SMC1A: variants seen among roughly 807,000 people sequenced by gnomAD.
The protein encoded by SMC1A is structural maintenance of chromosomes protein 1A.
SMC1A carries 4 observed loss-of-function variants against 94.5 expected under a neutral mutation model. That is an observed-to-expected ratio of 0.04 (90% CI 0.02 to 0.10). The LOEUF (loss-of-function observed/expected upper bound fraction) is 0.10, where lower values mean the gene tolerates loss of function less well. Among genes scored for constraint, SMC1A ranks in the 10% least tolerant of loss-of-function variants. SMC1A has a pLI of 1.00. For missense variants in SMC1A, 304 were observed against 989.0 expected, an observed-to-expected ratio of 0.31 and a Z score of 9.29; for synonymous variants, 345 against 347.7, an observed-to-expected ratio of 0.99 and a Z score of 0.09.
chrX:53,387,805 C>A (rs1556886629), intron 19 of SMC1A, among the ~76,000 whole-genome samples: 2 of 110,898 alleles, frequency 1.8e-5, no homozygotes, highest in Admixed American at 1.9e-4. Flanking sequence ...AACCTGAGCA[C>A]CAAGAAGGAT....
chrX:53,391,971 G>GT (rs1174684559), intron 19 of SMC1A, among the ~76,000 whole-genome samples: 10 of 110,240 alleles, frequency 9.1e-5, no homozygotes, highest in Non-Finnish European at 1.1e-4. Flanking sequence ...CGTGACAAGA[G>GT]TATCTCCAGC....
At chrX:53,417,284 C>T (rs1324348608) in intron 1 of SMC1A, among the ~76,000 whole-genome samples, 1 of 110,336 alleles carries the variant, frequency 9.1e-6, no homozygotes, top group Non-Finnish European at 1.9e-5. Context: ...GGCACGGTGG[C>T]TCACGCCTGT....
In SMC1A at chrX:53,382,647, G is replaced by C; in HGVS notation, c.3144C>G (p.Ala1048=). 3 of 1,211,311 alleles carry C rather than the reference G, an allele frequency of 2.5e-6. No homozygotes were observed. Among genetic ancestry groups the C allele is most frequent in the Non-Finnish European group, 3.4e-6 (3 of 895,426 alleles). ...FQETSDEFEA[A]RKRAKKAKQA... ...GCTTGGCCTTCTTTGCTCGCTTTCG[G>C]GCTGCTTCAAACTCTGCCAGAAAGA... The change falls in exon 21 of 25, where the codon GCC becomes GCG. Residue 1048 remains alanine (A), a synonymous_variant. Coordinates refer to ENST00000322213, the MANE Select transcript of SMC1A (RefSeq NM_006306.4).
rs782636271 is a variant in SMC1A, at chrX:53,409,201, C to T, written c.1406G>A (p.Arg469His). ...CAGCTCCTTATTGATTTCATCAATA[C>T]GCCGCTTGGCCATCTCCACCTCCTC... ...LTEEVEMAKR[R>H]IDEINKELNQ... Residue 469 changes from arginine to histidine, a missense_variant, in exon 9 of 25, where the codon CGT becomes CAT. Transcript: ENST00000322213. 3.3e-6 allele frequency: 4 copies of T among 1,210,538 alleles called. No individual in the cohort carries two copies. Among genetic ancestry groups the T allele is most frequent in the Non-Finnish European group, 3.4e-6 (3 of 894,732 alleles).
rs1248080938 is a variant in SMC1A at position 53,379,943 on chromosome X, C to T, written c.*160G>A. ...TCAGGAATTTTTGCTCCAGACCTAA[C>T]ATCACCTCTGTTCCTCTTCATGCTT... On this transcript the variant is annotated 3_prime_UTR_variant, in exon 25 of 25. Coordinates refer to ENST00000322213, the MANE Select transcript of SMC1A (RefSeq NM_006306.4). 2.1e-6 allele frequency: 1 copy of T among 484,192 alleles called. No individual in the cohort carries two copies. The highest frequency in any genetic ancestry group is 3.7e-6 in the Non-Finnish European group (1 of 270,433). The allele number at this position is 484,192 out of a possible 1,213,427, so 39.9% of individuals were successfully genotyped here. A position where few individuals can be genotyped will look rare whatever the true frequency, so the allele number is the denominator to read the frequency against.
In SMC1A at chrX:53,380,610, C is replaced by T. The variant is rs782278656; in HGVS notation, c.3618+10G>A. 2 of 1,119,620 alleles carry T rather than the reference C, an allele frequency of 1.8e-6. No individual in the cohort carries two copies. The highest frequency in any genetic ancestry group is 1.8e-5 in the African/African-American group (1 of 56,078). 92.3% of individuals were successfully genotyped at this position (1,119,620 alleles called of 1,213,427 possible). On this transcript the variant is annotated intron_variant, in intron 24 of 24. Transcript: ENST00000322213. ...GAGTAGGACTGGCTCCTGAGCCAGGCCCGCCCTACCTCAGGATAGACTCCA... is the reference window on the plus strand; with the variant it reads ...GAGTAGGACTGGCTCCTGAGCCAGGTCCGCCCTACCTCAGGATAGACTCCA...
chrX:53,400,493 C>T (rs782714182), intron 15 of SMC1A, among the ~76,000 whole-genome samples: 1 of 111,561 alleles, frequency 9.0e-6, no homozygotes, highest in African/African-American at 3.3e-5. Context: ...ACACCGAGTC[C>T]ACGATAACTA....
At chrX:53,404,033 A>G (rs62615252) in intron 13 of SMC1A, 140 bp from the exon 14 acceptor site, 10 of 522,281 alleles carry the variant, frequency 1.9e-5, no homozygotes, top group Non-Finnish European at 3.4e-5. Flanking sequence ...GCCCTAGTCA[A>G]GCCTCCATGA....
chrX:53,411,863 C>T lies in SMC1A; in HGVS notation c.1152G>A (p.Lys384=), dbSNP rs782641900. ...KYHRLKEEAS[K]RAATLAQELE... is the part of the protein sequence containing the mutation. ...GCTCCTGGGCCAGGGTAGCTGCTCT[C>T]TTGCTGGCTTCTTCTTTCAACCGGT... The change falls in exon 7 of 25, where the codon AAG becomes AAA. Residue 384 remains lysine (K), a synonymous_variant. Coordinates refer to ENST00000322213, the MANE Select transcript of SMC1A (RefSeq NM_006306.4). 3 of 1,211,648 alleles carry T rather than the reference C, an allele frequency of 2.5e-6. No individual in the cohort carries two copies. In the South Asian group the frequency reaches 5.3e-5, roughly 21 times the overall value.
chrX:53,422,118 A>G, intron 1 of SMC1A: 2 of 1,084,249 alleles, frequency 1.8e-6, no homozygotes, highest in Middle Eastern at 3.6e-4. Flanking sequence ...GGAGGGGGTC[A>G]AGTAAGGCTG....
intron 9 of SMC1A, among the ~76,000 whole-genome samples, chrX:53,408,298 T>C (rs1023888752): frequency 9.0e-6 from 1 of 111,651 alleles, no homozygotes; most frequent in African/African-American, 3.3e-5. Flanking sequence ...GCCACTGCAC[T>C]CCAGCCTGGG....
chrX:53,407,050 T>A (rs2075693997), intron 9 of SMC1A, among the ~76,000 whole-genome samples: 1 of 112,191 alleles, frequency 8.9e-6, no homozygotes, highest in South Asian at 3.7e-4. Flanking sequence ...TGTTTGAAGA[T>A]CAAAGTGGAC....
intron 15 of SMC1A, 152 bp downstream of exon 15, chrX:53,403,414 G>A: frequency 1.9e-6 from 1 of 522,589 alleles, no homozygotes; most frequent in Non-Finnish European, 3.4e-6. Context: ...ATGCCATACT[G>A]CCCTCCTGAT....
chrX:53,396,863 G>A (rs1161310897), intron 16 of SMC1A, among the ~76,000 whole-genome samples: 1 of 111,638 alleles, frequency 9.0e-6, no homozygotes, highest in Non-Finnish European at 1.9e-5. Flanking sequence ...TATTAAGTGG[G>A]GAATCACTCA....
intron 19 of SMC1A, among the ~76,000 whole-genome samples, chrX:53,394,228 T>C (rs1206413816): frequency 9.2e-6 from 1 of 108,719 alleles, no homozygotes; most frequent in Non-Finnish European, 1.9e-5. Context: ...TAATTGATTA[T>C]GTAAAGTGAA....
chrX:53,379,989 C>T lies in SMC1A; in HGVS notation c.*114G>A. 1 of 569,472 alleles carries T rather than the reference C, an allele frequency of 1.8e-6. No homozygotes were observed. The highest frequency in any genetic ancestry group is 3.1e-6 in the Non-Finnish European group (1 of 324,782). The allele number at this position is 569,472 out of a possible 1,213,427, so 46.9% of individuals were successfully genotyped here. The stretch of plus-strand genomic sequence containing the variant: ...TGCTTGATTAGCAGTGCCTAAATCC[C>T]ATGACTACACCAAAAAGGGCCAGGA... On this transcript the variant is annotated 3_prime_UTR_variant, in exon 25 of 25. Coordinates refer to ENST00000322213, the MANE Select transcript of SMC1A (RefSeq NM_006306.4).
At chrX:53,421,562 G>A (rs782107697) in intron 1 of SMC1A, among the ~76,000 whole-genome samples, 1 of 111,837 alleles carries the variant, frequency 8.9e-6, no homozygotes, top group South Asian at 3.7e-4. Flanking sequence ...ACGGTGTATC[G>A]TTTAGAGTTG....
intron 15 of SMC1A, among the ~76,000 whole-genome samples, chrX:53,403,018 A>G (rs1469388760): frequency 1.0e-5 from 1 of 99,707 alleles, no homozygotes; most frequent in African/African-American, 3.7e-5. Flanking sequence ...AACAACAACA[A>G]CAAAAAACAA....
chrX:53,415,256 G>T, intron 1 of SMC1A, 87 bp from the exon 2 acceptor site: 1 of 777,526 alleles, frequency 1.3e-6, no homozygotes, highest in Non-Finnish European at 1.9e-6. Flanking sequence ...GAACAAAAAT[G>T]TCCCCTAATC....
Sources: gnomAD v4.1 joint callset for allele counts (sites outside exome capture counted in the v4.1 genomes callset) on GRCh38, gnomAD v4.1.1 for gene constraint, MANE v1.5 for transcripts, NCBI Gene and HGNC (gene_info 2026-07-23, HGNC 2026-07-21) for gene names.